Variants in NKAIN2 observed in about 807,000 individuals in gnomAD.
The protein encoded by NKAIN2 is sodium/potassium transporting ATPase interacting 2.
A neutral mutation model predicts 32.6 loss-of-function variants in NKAIN2; 14 were observed. The observed-to-expected ratio is 0.43, with a 90% CI of 0.28 to 0.67. NKAIN2 has a LOEUF of 0.67. NKAIN2 is among the 30% of genes least tolerant of loss of function. NKAIN2 has a pLI of 0.17. For missense variants in NKAIN2, 198 were observed against 258.3 expected, an observed-to-expected ratio of 0.77 and a Z score of 1.60; for synonymous variants, 80 against 87.2, an observed-to-expected ratio of 0.92 and a Z score of 0.46.
chr6:123,909,380 T>C (rs1271977161), intron 1 of NKAIN2, among the ~76,000 whole-genome samples: 1 of 152,188 alleles, frequency 6.6e-6, no homozygotes, highest in Admixed American at 6.6e-5. Context: ...GTGTGTGGAA[T>C]GATTCTGGGA....
intron 4 of NKAIN2, among the ~76,000 whole-genome samples, chr6:124,661,935 G>A (rs1038947438): frequency 1.3e-5 from 2 of 152,232 alleles, no homozygotes; most frequent in East Asian, 3.9e-4. Context: ...TATAAAATAT[G>A]TTCACATGAA....
At chr6:124,676,951 TTTG>T (rs1188913522) in intron 4 of NKAIN2, among the ~76,000 whole-genome samples, 2 of 151,854 alleles carry the variant, frequency 1.3e-5, no homozygotes, top group African/African-American at 2.4e-5. Flanking sequence ...TCTTGTGGGG[TTTG>T]TTGTTGTTGT....
intron 4 of NKAIN2, among the ~76,000 whole-genome samples, chr6:124,693,928 C>T (rs1774373292): frequency 6.6e-6 from 1 of 152,144 alleles, no homozygotes; most frequent in African/African-American, 2.4e-5. Context: ...TGTTTCAGTC[C>T]TGCCTACTTG....
chr6:124,338,609 T>C (rs1052607672), intron 2 of NKAIN2, among the ~76,000 whole-genome samples: 2 of 152,294 alleles, frequency 1.3e-5, no homozygotes, highest in East Asian at 1.9e-4. Flanking sequence ...TCTAAATTTA[T>C]TTATTTCTGC....
chr6:124,454,917 C>G (rs1318773210), intron 3 of NKAIN2, among the ~76,000 whole-genome samples: 1 of 151,990 alleles, frequency 6.6e-6, no homozygotes, highest in East Asian at 1.9e-4. Flanking sequence ...AAGATAAGCA[C>G]TCAGCCTTGA....
intron 3 of NKAIN2, among the ~76,000 whole-genome samples, chr6:124,436,889 G>A (rs899510574): frequency 1.9e-4 from 29 of 152,082 alleles, no homozygotes; most frequent in African/African-American, 6.8e-4. Context: ...ATGACTATAC[G>A]GTTCTCCATG....
intron 3 of NKAIN2, among the ~76,000 whole-genome samples, chr6:124,608,400 TA>T (rs1489670780): frequency 1.3e-5 from 2 of 152,124 alleles, no homozygotes; most frequent in Admixed American, 1.3e-4. Context: ...ATAGAGGTAG[TA>T]AATGGCAATA....
intron 4 of NKAIN2, among the ~76,000 whole-genome samples, chr6:124,723,472 G>T (rs777712642): frequency 1.8e-4 from 27 of 152,090 alleles, no homozygotes; most frequent in Non-Finnish European, 3.8e-4. Context: ...TAAAAGTCAG[G>T]GTTGGCATTT....
At chr6:124,376,605 G>A (rs62434749) in intron 3 of NKAIN2, among the ~76,000 whole-genome samples, 3,626 of 152,224 alleles carry the variant, frequency 0.024, 93 homozygotes, top group Non-Finnish European at 0.034. Flanking sequence ...CAGAGAACAT[G>A]TGACAAGTAT....
intron 1 of NKAIN2, among the ~76,000 whole-genome samples, chr6:124,106,695 A>T (rs535642201): frequency 1.3e-5 from 2 of 152,190 alleles, no homozygotes; most frequent in African/African-American, 4.8e-5. Context: ...CTACCTCAAC[A>T]ATTTAATAAA....
At position 124,112,199 on chromosome 6, in the gene NKAIN2, A is replaced by G. The variant is rs551413633; in HGVS notation, c.55-170806A>G. Among the ~76,000 whole-genome samples the G allele has an allele frequency of 1.1e-4, 16 of 152,148 alleles. No individual in the cohort carries two copies. The South Asian group carries it at 3.1e-3, about 30-fold the overall frequency. On this transcript the variant is annotated intron_variant, in intron 1 of 6. Coordinates refer to ENST00000368417, the MANE Select transcript of NKAIN2 (RefSeq NM_001040214.3). ...TCATGTTGCTGTTTAATGCCTTTTC[A>G]TTTTGAATTGAAGAACACCACTTAA...
intron 3 of NKAIN2, among the ~76,000 whole-genome samples, chr6:124,457,418 C>G (rs937400530): frequency 6.6e-6 from 1 of 151,850 alleles, no homozygotes; most frequent in African/African-American, 2.4e-5. Context: ...TAAGCCTTCC[C>G]GAAGTCATAA....
chr6:124,002,795 T>C (rs1562302233), intron 1 of NKAIN2, among the ~76,000 whole-genome samples: 1 of 152,218 alleles, frequency 6.6e-6, no homozygotes, highest in Non-Finnish European at 1.5e-5. Flanking sequence ...AGTATTATAC[T>C]GTACTTGAAT....
chr6:124,274,173 T>C (rs1370532126), intron 1 of NKAIN2, among the ~76,000 whole-genome samples: 1 of 152,208 alleles, frequency 6.6e-6, no homozygotes, highest in Non-Finnish European at 1.5e-5. Flanking sequence ...TATTATTCTA[T>C]TAACTGCATT....
chr6:124,179,226 A>G (rs1451076004), intron 1 of NKAIN2, among the ~76,000 whole-genome samples: 2 of 152,226 alleles, frequency 1.3e-5, no homozygotes, highest in South Asian at 2.1e-4. Context: ...GTGAAGACCT[A>G]TGGCTCACAG....
intron 3 of NKAIN2, among the ~76,000 whole-genome samples, chr6:124,625,057 T>C (rs1783259686): frequency 6.6e-6 from 1 of 152,186 alleles, no homozygotes; most frequent in African/African-American, 2.4e-5. Context: ...TCTAAAATAC[T>C]AAGTAGGAAG....
chr6:124,773,501 T>C (rs1778852557), intron 4 of NKAIN2, among the ~76,000 whole-genome samples: 1 of 152,114 alleles, frequency 6.6e-6, no homozygotes, highest in African/African-American at 2.4e-5. Flanking sequence ...GACTTTACCC[T>C]TGGAGATGGG....
At position 124,465,630 on chromosome 6, in the gene NKAIN2, TA is replaced by T. The variant is rs5879736; in HGVS notation, c.273+110299del. ...TGTATCCCAGGACTTAAAGTAAAGT[TA>T]AAAAAAAAAAAAAAAGAAATTCCTT... On this transcript the variant is annotated intron_variant, in intron 3 of 6. Coordinates refer to ENST00000368417, the MANE Select transcript of NKAIN2 (RefSeq NM_001040214.3). Among the ~76,000 whole-genome samples the T allele has an allele frequency of 2.1e-3, 301 of 140,798 alleles. 2 individuals carry two copies. Among genetic ancestry groups the T allele is most frequent in the South Asian group, 0.014 (61 of 4,362 alleles). The allele number at this position is 140,798 out of a possible 152,430, so 92.4% of individuals were successfully genotyped here. A position where few individuals can be genotyped will look rare whatever the true frequency, so the allele number is the denominator to read the frequency against.
At chr6:124,357,071 C>G (rs1468338515) in intron 3 of NKAIN2, among the ~76,000 whole-genome samples, 1 of 152,130 alleles carries the variant, frequency 6.6e-6, no homozygotes, top group African/African-American at 2.4e-5. Context: ...GGCATTGAAA[C>G]CACAGCAAGG....
Sources: allele counts gnomAD v4.1 joint callset (sites outside exome capture counted in the v4.1 genomes callset), GRCh38; gene constraint gnomAD v4.1.1; transcripts MANE v1.5; gene names NCBI Gene and HGNC (gene_info 2026-07-23, HGNC 2026-07-21).